Variants in RBFOX3 observed in about 807,000 individuals in gnomAD.
RBFOX3 encodes RNA binding protein fox-1 homolog 3.
A neutral mutation model predicts 48.7 loss-of-function variants in RBFOX3; 17 were observed. The ratio of observed to expected loss-of-function variants is 0.35; its 90% CI spans 0.24 to 0.52. The LOEUF is 0.52. RBFOX3 is among the 20% of genes least tolerant of loss of function. RBFOX3 has a pLI of 0.94. For missense variants in RBFOX3, 382 were observed against 497.5 expected (o/e 0.77, Z 2.21); for synonymous variants, 212 against 209.5 (o/e 1.01, Z -0.10).
At chr17:79,413,555 C>G (rs1372311517) in intron 2 of RBFOX3, among the ~76,000 whole-genome samples, 1 of 152,270 alleles carries the variant, frequency 6.6e-6, no homozygotes. Context: ...CGTGGCCACA[C>G]TTCATCAGGG....
intron 1 of RBFOX3, among the ~76,000 whole-genome samples, chr17:79,578,498 G>A (rs1444206920): frequency 3.9e-5 from 6 of 152,258 alleles, no homozygotes; most frequent in Non-Finnish European, 1.5e-5. Context: ...CTCAACCCCT[G>A]ATGGGCTTGT....
At chr17:79,558,210 G>A (rs954679278) in intron 1 of RBFOX3, among the ~76,000 whole-genome samples, 4 of 151,418 alleles carry the variant, frequency 2.6e-5, no homozygotes, top group African/African-American at 4.9e-5. Flanking sequence ...AGAGGGCCAC[G>A]TGGCCCAGGC....
At chr17:79,530,000 A>C (rs966875968) in intron 1 of RBFOX3, among the ~76,000 whole-genome samples, 13,563 of 152,248 alleles carry the variant, frequency 0.089, 626 homozygotes, top group East Asian at 0.13. Context: ...GAATATTTAC[A>C]ACCTGGCCCT....
intron 4 of RBFOX3, among the ~76,000 whole-genome samples, chr17:79,170,117 A>G (rs112455453): frequency 0.01 from 1,291 of 123,920 alleles, 22 homozygotes; most frequent in African/African-American, 0.047. Context: ...AGGAGGAGGA[A>G]GGAAGGAAGG....
At chr17:79,455,452 T>A (rs1172400277) in intron 2 of RBFOX3, among the ~76,000 whole-genome samples, 5 of 151,986 alleles carry the variant, frequency 3.3e-5, no homozygotes, top group African/African-American at 1.2e-4. Flanking sequence ...GCCATCTGGG[T>A]CCAGAAATGG....
At chr17:79,521,484 T>TCA (rs1318604874) in intron 1 of RBFOX3, among the ~76,000 whole-genome samples, 4 of 150,412 alleles carry the variant, frequency 2.7e-5, no homozygotes, top group African/African-American at 4.9e-5. Context: ...TCAGACACAT[T>TCA]CACACACACA....
chr17:79,559,798 G>A (rs2092078051), intron 1 of RBFOX3, among the ~76,000 whole-genome samples: 1 of 149,598 alleles, frequency 6.7e-6, no homozygotes, highest in Non-Finnish European at 1.5e-5. Context: ...TAGGTGGGTG[G>A]ATGGATGAAC....
rs531219355 is a variant in RBFOX3, at chr17:79,152,485, C to T, written c.-33-36737G>A. Among the ~76,000 whole-genome samples, 4 of 152,196 alleles carry T rather than the reference C, an allele frequency of 2.6e-5. No individual in the cohort carries two copies. In the South Asian group the frequency reaches 6.2e-4, roughly 24 times the overall value. ...GGGGGGTATCCCTTTCCAGCTGGGC[C>T]GGGGGTCACCCCGAACTTGGGATGA... On this transcript the variant is annotated intron_variant, in intron 4 of 14. Coordinates refer to ENST00000693108, the MANE Select transcript of RBFOX3 (RefSeq NM_001350451.2).
chr17:79,508,400 G>T (rs975440617), intron 1 of RBFOX3, among the ~76,000 whole-genome samples: 1 of 152,130 alleles, frequency 6.6e-6, no homozygotes, highest in Admixed American at 6.5e-5. Context: ...GACCTCCTCC[G>T]CCTGCCTGCC....
At chr17:79,528,766 G>A (rs2087214008) in intron 1 of RBFOX3, among the ~76,000 whole-genome samples, 2 of 152,084 alleles carry the variant, frequency 1.3e-5, no homozygotes, top group African/African-American at 2.4e-5. Context: ...AGCCACCAAA[G>A]CCAGGAAGAG....
chr17:79,237,561 C>T (rs569101117), intron 3 of RBFOX3, among the ~76,000 whole-genome samples: 6 of 152,340 alleles, frequency 3.9e-5, no homozygotes, highest in Admixed American at 6.5e-5. Context: ...CGAGAATGAA[C>T]GTGGCCACAG....
At chr17:79,550,377 G>A (rs1476984739) in intron 1 of RBFOX3, among the ~76,000 whole-genome samples, 1 of 152,108 alleles carries the variant, frequency 6.6e-6, no homozygotes, top group African/African-American at 2.4e-5. Context: ...AGGCTAAACT[G>A]GTACAGTAAA....
chr17:79,116,666 G>T (rs2034067950), intron 4 of RBFOX3, among the ~76,000 whole-genome samples: 1 of 152,238 alleles, frequency 6.6e-6, no homozygotes, highest in Admixed American at 6.5e-5. Flanking sequence ...TGACAGTGAG[G>T]TGTGTCGGGG....
intron 4 of RBFOX3, among the ~76,000 whole-genome samples, chr17:79,157,433 G>A (rs1034927629): frequency 4.6e-5 from 7 of 152,200 alleles, no homozygotes; most frequent in South Asian, 2.1e-4. Flanking sequence ...AGGACCCTCC[G>A]AGGGAACCTG....
intron 3 of RBFOX3, among the ~76,000 whole-genome samples, chr17:79,256,672 C>T (rs1393841860): frequency 6.6e-6 from 1 of 152,118 alleles, no homozygotes; most frequent in African/African-American, 2.4e-5. Context: ...AATCCCAGCA[C>T]TTTGGGAGGC....
At chr17:79,573,441 G>A (rs957375928) in intron 1 of RBFOX3, among the ~76,000 whole-genome samples, 8 of 152,198 alleles carry the variant, frequency 5.3e-5, no homozygotes, top group Non-Finnish European at 1.0e-4. Context: ...GCAGCCTGGA[G>A]GAGGGGCTTC....
chr17:79,146,993 G>A (rs2043172072), intron 4 of RBFOX3, among the ~76,000 whole-genome samples: 1 of 152,188 alleles, frequency 6.6e-6, no homozygotes, highest in South Asian at 2.1e-4. Flanking sequence ...CCAGGGGTGA[G>A]ATCCTTTACT....
intron 1 of RBFOX3, among the ~76,000 whole-genome samples, chr17:79,609,324 C>G (rs1469637122): frequency 1.3e-5 from 2 of 152,128 alleles, no homozygotes; most frequent in African/African-American, 2.4e-5. Context: ...CGGGTGCATG[C>G]CCAAGGCGTC....
At position 79,214,008 on chromosome 17, in the gene RBFOX3, C is replaced by T. The variant is rs1026318229; in HGVS notation, c.-34+21758G>A. ...ACACTCAGCGGATCAGACTTGGTTC[C>T]GTTTCCGAAGGTGGTGCCAGCGGAT... On this transcript the variant is annotated intron_variant, in intron 4 of 14. Transcript: ENST00000693108. This position sits in a 1 kb window ranked among gnomAD's most constrained non-coding sequence, Gnocchi z 4.7. Among the ~76,000 whole-genome samples, 4 of 152,128 alleles carry T rather than the reference C, an allele frequency of 2.6e-5. No homozygotes were observed. The highest frequency in any genetic ancestry group is 2.1e-4 in the South Asian group (1 of 4,776).
Sources: allele counts gnomAD v4.1 joint callset (sites outside exome capture counted in the v4.1 genomes callset), GRCh38; gene constraint gnomAD v4.1.1; non-coding constraint Gnocchi (gnomAD v3.1); transcripts MANE v1.5; gene names NCBI Gene and HGNC (gene_info 2026-07-23, HGNC 2026-07-21).